Variants in CES1 observed in about 807,000 individuals in gnomAD.
The protein encoded by CES1 is liver carboxylesterase 1.
A neutral mutation model predicts 53.0 loss-of-function variants in CES1; 50 were observed. The ratio of observed to expected loss-of-function variants is 0.94; its 90% confidence interval spans 0.75 to 1.19. The LOEUF (loss-of-function observed/expected upper bound fraction) is 1.19. Ranked by LOEUF, CES1 falls within the 50% of genes most tolerant of loss-of-function variation. CES1 has a pLI of 0.00. For missense variants in CES1, 534 were observed against 538.0 expected (o/e 0.99, Z 0.07); for synonymous variants, 202 against 210.1 (o/e 0.96, Z 0.33).
At chr16:55,811,984 A>C (rs1407260395) in intron 9 of CES1, among the ~76,000 whole-genome samples, 1 of 152,192 alleles carries the variant, frequency 6.6e-6, no homozygotes, top group African/African-American at 2.4e-5. Flanking sequence ...GAAGACATCC[A>C]GGTGGTCTAG....
chr16:55,815,021 T>C (rs1458094716), intron 8 of CES1, among the ~76,000 whole-genome samples: 3 of 152,226 alleles, frequency 2.0e-5, no homozygotes, highest in African/African-American at 4.8e-5. Context: ...AGACGCCGCC[T>C]GCCTGCGGTG....
chr16:55,831,324 G>A (rs2142361232), intron 1 of CES1, among the ~76,000 whole-genome samples: 1 of 152,016 alleles, frequency 6.6e-6, no homozygotes, highest in Non-Finnish European at 1.5e-5. Context: ...TCAAGTCAGA[G>A]AAGAAACCAC....
At chr16:55,816,096 A>G (rs1416059693) in intron 8 of CES1, among the ~76,000 whole-genome samples, 6 of 152,274 alleles carry the variant, frequency 3.9e-5, no homozygotes, top group Admixed American at 1.3e-4. Flanking sequence ...CCACCTTCTC[A>G]TTGAACCATT....
intron 8 of CES1, among the ~76,000 whole-genome samples, chr16:55,815,874 T>A (rs1451681531): frequency 2.6e-5 from 4 of 152,292 alleles, no homozygotes; most frequent in South Asian, 2.1e-4. Flanking sequence ...CATCTTGCTC[T>A]GAATCCAAAT....
chr16:55,809,390 A>T lies in CES1; in HGVS notation c.1318+1127T>A, dbSNP rs1355716562. Among the ~76,000 whole-genome samples the T allele has an allele frequency of 3.3e-5, 5 of 152,352 alleles. No individual in the cohort carries two copies. In the East Asian group the frequency reaches 9.6e-4, roughly 29 times the overall value. The stretch of plus-strand genomic sequence containing the variant: ...GCGTTAGCTAGTTTTTATCATGCTT[A>T]TGAAGTTCTAAATTTAAAAACCCTT... On this transcript the variant is annotated intron_variant, in intron 11 of 13. Transcript: ENST00000360526.
intron 4 of CES1, among the ~76,000 whole-genome samples, chr16:55,823,098 C>A (rs368232604): frequency 6.6e-6 from 1 of 151,668 alleles, no homozygotes; most frequent in African/African-American, 2.4e-5. Context: ...CCATCTGCAG[C>A]CCCCATTCCT....
At chr16:55,811,379 G>A (rs1317986519) in intron 9 of CES1, among the ~76,000 whole-genome samples, 1 of 152,066 alleles carries the variant, frequency 6.6e-6, no homozygotes. Flanking sequence ...AGGGCTCTGG[G>A]GAAGAGGATG....
intron 7 of CES1, among the ~76,000 whole-genome samples, chr16:55,817,406 A>G (rs2031989307): frequency 6.6e-6 from 1 of 152,196 alleles, no homozygotes; most frequent in Non-Finnish European, 1.5e-5. Context: ...TTACACGACG[A>G]TGCTATTGCA....
intron 8 of CES1, among the ~76,000 whole-genome samples, chr16:55,815,326 G>C (rs1204388172): frequency 6.6e-6 from 1 of 152,184 alleles, no homozygotes; most frequent in Non-Finnish European, 1.5e-5. Flanking sequence ...TTTAAGAAGT[G>C]GGGGTGACGT....
At chr16:55,826,590 G>T (rs1464800987) in intron 2 of CES1, among the ~76,000 whole-genome samples, 1 of 152,184 alleles carries the variant, frequency 6.6e-6, no homozygotes, top group Admixed American at 6.5e-5. Flanking sequence ...TCCTCCCTGG[G>T]AGGTGACATT....
chr16:55,826,616 G>A (rs1245283957), intron 2 of CES1, among the ~76,000 whole-genome samples: 1 of 152,182 alleles, frequency 6.6e-6, no homozygotes, highest in Non-Finnish European at 1.5e-5. Flanking sequence ...CAATAGCTCA[G>A]GGGTGATATC....
At chr16:55,814,374 G>A (rs1267846982) in intron 8 of CES1, among the ~76,000 whole-genome samples, 10 of 152,238 alleles carry the variant, frequency 6.6e-5, no homozygotes, top group African/African-American at 2.2e-4. Context: ...TCACAATGGT[G>A]TAGTTGCTAC....
intron 9 of CES1, 76 bp from the exon 10 acceptor site, chr16:55,811,086 A>C: frequency 4.1e-6 from 5 of 1,215,330 alleles, no homozygotes; most frequent in Non-Finnish European, 6.0e-6. Context: ...CAACCAACCA[A>C]ACCAATGCAG....
Position 55,826,301 on chromosome 16 carries a change from G to A in CES1, c.261-6C>T, listed in dbSNP as rs200889957. 1.6e-3 allele frequency: 2,560 copies of A among 1,613,618 alleles called. No homozygotes were observed. The highest frequency in any genetic ancestry group is 4.5e-3 in the South Asian group (407 of 91,018). On this transcript the variant is annotated splice_polypyrimidine_tract_variant and splice_region_variant and intron_variant, in intron 2 of 13. Transcript: ENST00000360526. Reference sequence around the variant, plus strand: ...CCTTGGGATCTTGGGTGCACCTGGGGAGGGGGAAAGAAGAACCCCTGAAGT... The same window carrying A: ...CCTTGGGATCTTGGGTGCACCTGGGAAGGGGGAAAGAAGAACCCCTGAAGT...
At chr16:55,814,066 G>A (rs2031826344) in intron 8 of CES1, among the ~76,000 whole-genome samples, 1 of 151,482 alleles carries the variant, frequency 6.6e-6, no homozygotes, top group Non-Finnish European at 1.5e-5. Flanking sequence ...GATTAATGAG[G>A]AAGAGATTAT....
intron 1 of CES1, among the ~76,000 whole-genome samples, chr16:55,830,681 T>G (rs1484252721): frequency 6.7e-6 from 1 of 150,314 alleles, no homozygotes; most frequent in African/African-American, 2.5e-5. Context: ...CATGTGCCTG[T>G]AATCCTGGCT....
chr16:55,832,948 G>C (rs2032740924), intron 1 of CES1, 56 bp downstream of exon 1: 1 of 1,410,684 alleles, frequency 7.1e-7, no homozygotes, highest in Non-Finnish European at 1.0e-6. Context: ...CGCCCACCTC[G>C]GCCCAGAACA....
chr16:55,810,838 T>G lies in CES1; in HGVS notation c.1170+89A>C. ...GGGGGAAACCCTGAGGCCCCAGTCT[T>G]CATTCTGCCATTTAATTGCTCTATG... On this transcript the variant is annotated intron_variant, in intron 10 of 13. Coordinates refer to ENST00000360526, the MANE Select transcript of CES1 (RefSeq NM_001025195.2). 2.8e-6 allele frequency: 4 copies of G among 1,421,208 alleles called. No individual in the cohort carries two copies. In the South Asian group the frequency reaches 4.6e-5, roughly 16 times the overall value. 88.0% of individuals were successfully genotyped at this position (1,421,208 alleles called of 1,614,324 possible).
In CES1 at chr16:55,810,627, T is replaced by A. The variant is rs199540213; in HGVS notation, c.1208A>T (p.Lys403Ile). ...AGTGTCGTCTGTTCCTCCTAAGTAT[T>A]TCTCAGTGGCTTCTGGAATCAGTTC... The part of the protein sequence containing the change: ...AKELIPEATE[K>I]YLGGTDDTVK... The change falls in exon 11 of 14, where the codon AAA (lysine) becomes ATA (isoleucine). Residue 403 changes from lysine (K) to isoleucine (I), a missense_variant. By Grantham distance (102) the Lys-to-Ile change is moderately radical. This residue lies in a region of CES1 where 269 missense variants were observed against 206.6 expected (regional missense o/e 1.30). Coordinates refer to ENST00000360526, the MANE Select transcript of CES1 (RefSeq NM_001025195.2). The A allele has an allele frequency of 6.2e-6, 10 of 1,614,176 alleles. No individual in the cohort carries two copies. In the East Asian group the frequency reaches 2.2e-4, roughly 36 times the overall value.
Sources: allele counts gnomAD v4.1 joint callset (sites outside exome capture counted in the v4.1 genomes callset), GRCh38; gene constraint gnomAD v4.1.1; regional missense constraint gnomAD v4.1.1; transcripts MANE v1.5; gene names NCBI Gene and HGNC (gene_info 2026-07-23, HGNC 2026-07-21).